Variants in FEZ1 observed in about 807,000 individuals in gnomAD.
The protein encoded by FEZ1 is fasciculation and elongation protein zeta 1, also known as fasciculation and elongation protein zeta-1.
A neutral mutation model predicts 49.3 loss-of-function variants in FEZ1; 20 were observed. The observed-to-expected ratio is 0.41, with a 90% CI of 0.29 to 0.59. FEZ1 has a LOEUF of 0.59. FEZ1 is among the 20% of genes least tolerant of loss of function. The probability of loss-of-function intolerance (pLI) is 0.36; values close to 1 mark genes in which losing one functional copy is unlikely to be tolerated. For missense variants in FEZ1, 413 were observed against 476.0 expected, an observed-to-expected ratio of 0.87 and a Z score of 1.23; for synonymous variants, 170 against 180.9, an observed-to-expected ratio of 0.94 and a Z score of 0.48.
rs202007923 is a variant in FEZ1, at chr11:125,454,138, C to T, written c.1012G>A (p.Asp338Asn). 19 of 1,612,798 alleles carry T rather than the reference C, an allele frequency of 1.2e-5. No homozygotes were observed. The highest frequency in any genetic ancestry group is 1.2e-4 in the Admixed American group (7 of 59,892). Reference protein sequence around the residue: ...IRQTFGSSGTDKQYLNTVIPY... With the variant: ...IRQTFGSSGTNKQYLNTVIPY... ...AGGGAGACTACGCGTACCTGTTTGT[C>T]AGTTCCTGAGGAGCCAAAGGTCTGG... Residue 338 changes from aspartate to asparagine, a missense_variant, in exon 7 of 10, where the codon GAC becomes AAC. Asp to Asn is a conservative substitution (Grantham distance 23, BLOSUM62 1). Coordinates refer to ENST00000278919, the MANE Select transcript of FEZ1 (RefSeq NM_005103.5).
At chr11:125,449,189 C>T (rs1332211512) in intron 8 of FEZ1, among the ~76,000 whole-genome samples, 2 of 151,004 alleles carry the variant, frequency 1.3e-5, no homozygotes, top group African/African-American at 4.9e-5. Flanking sequence ...CTTACAGGCA[C>T]GTGCCACTAT....
intron 3 of FEZ1, among the ~76,000 whole-genome samples, chr11:125,470,983 A>G (rs1422008899): frequency 6.6e-6 from 1 of 152,168 alleles, no homozygotes; most frequent in Non-Finnish European, 1.5e-5. Context: ...TACTGTGACA[A>G]ATGTTTTACA....
chr11:125,494,638 G>C (rs919859887), intron 1 of FEZ1, among the ~76,000 whole-genome samples: 1 of 152,170 alleles, frequency 6.6e-6, no homozygotes, highest in Non-Finnish European at 1.5e-5. Flanking sequence ...CAGGACTATA[G>C]TCTGATTGTC....
chr11:125,489,105 C>A lies in FEZ1; in HGVS notation c.311+362G>T. 1.0e-6 allele frequency: 1 copy of A among 996,202 alleles called. No individual in the cohort carries two copies. The highest frequency in any genetic ancestry group is 1.2e-6 in the Non-Finnish European group (1 of 837,538). 61.7% of individuals were successfully genotyped at this position (996,202 alleles called of 1,614,324 possible). On this transcript the variant is annotated intron_variant, in intron 2 of 9. Coordinates refer to ENST00000278919, the MANE Select transcript of FEZ1 (RefSeq NM_005103.5). This position sits in a 1 kb window ranked among gnomAD's most constrained non-coding sequence, Gnocchi z 4.2. Reference sequence around the variant, plus strand: ...GCAAATTAGTCCAATAACATAGATTCATCCATCATGGTTAATTAATTTTTT... The same window carrying A: ...GCAAATTAGTCCAATAACATAGATTAATCCATCATGGTTAATTAATTTTTT...
rs1349354389 is a variant in FEZ1, at chr11:125,443,154, G to A, written c.*2941C>T. ...GCCAGACAGACCTCTGACCTACCTA[G>A]GAGGGCTCCCTGCAGACCGTGGCTC... is the stretch of plus-strand genomic sequence containing the variant. On this transcript the variant is annotated 3_prime_UTR_variant, in exon 10 of 10. Transcript: ENST00000278919. Among the ~76,000 whole-genome samples, 2 of 152,108 alleles carry A rather than the reference G, an allele frequency of 1.3e-5. No homozygotes were observed. Among genetic ancestry groups the A allele is most frequent in the African/African-American group, 4.8e-5 (2 of 41,410 alleles).
intron 2 of FEZ1, among the ~76,000 whole-genome samples, chr11:125,484,708 G>T (rs1957312054): frequency 6.6e-6 from 1 of 152,014 alleles, no homozygotes. Flanking sequence ...AAAGAAACTG[G>T]CTCTGCGTGA....
rs370851422 is a variant in FEZ1, at chr11:125,473,312, A to G, written c.411+8222T>C. Among the ~76,000 whole-genome samples, 72 of 152,356 alleles carry G rather than the reference A, an allele frequency of 4.7e-4. No individual in the cohort carries two copies. In the South Asian group the frequency reaches 7.2e-3, roughly 15 times the overall value. On this transcript the variant is annotated intron_variant, in intron 3 of 9. Coordinates refer to ENST00000278919, the MANE Select transcript of FEZ1 (RefSeq NM_005103.5). ...TAATGGGGAAGGAATAAGATTTTCA[A>G]TGAATGGTACTGGAATAATTGAATA...
At chr11:125,493,450 G>T (rs1323738868) in intron 1 of FEZ1, among the ~76,000 whole-genome samples, 2 of 52,382 alleles carry the variant, frequency 3.8e-5, no homozygotes, top group African/African-American at 1.5e-4. Context: ...AGGAAAGAAG[G>T]AAAGAAGGAA....
chr11:125,457,393 G>C (rs1270303062), intron 5 of FEZ1, among the ~76,000 whole-genome samples: 1 of 68,362 alleles, frequency 1.5e-5, no homozygotes, highest in African/African-American at 6.3e-5. Flanking sequence ...TGGTGAAACT[G>C]TTTCTACTTT....
Position 125,448,990 on chromosome 11 carries a change from C to G in FEZ1, c.1097-423G>C, listed in dbSNP as rs562116898. On this transcript the variant is annotated intron_variant, in intron 8 of 9. Coordinates refer to ENST00000278919, the MANE Select transcript of FEZ1 (RefSeq NM_005103.5). ...CTGCACATGGTGATAGACGAGAACACAGCAAGAGCCACAGTGTTTGTCTCT... is the reference window on the plus strand; with the variant it reads ...CTGCACATGGTGATAGACGAGAACAGAGCAAGAGCCACAGTGTTTGTCTCT... 3.3e-4 allele frequency among the ~76,000 whole-genome samples: 50 copies of G among 152,208 alleles called. No homozygotes were observed. The South Asian group carries it at 9.6e-3, about 29-fold the overall frequency.
At chr11:125,488,010 G>A (rs1475747521) in intron 2 of FEZ1, among the ~76,000 whole-genome samples, 1 of 152,168 alleles carries the variant, frequency 6.6e-6, no homozygotes, top group Non-Finnish European at 1.5e-5. Flanking sequence ...CAAAAGCACA[G>A]GTGCTTCAGA....
At chr11:125,482,991 A>C (rs1244249173) in intron 2 of FEZ1, among the ~76,000 whole-genome samples, 3 of 149,844 alleles carry the variant, frequency 2.0e-5, no homozygotes, top group Non-Finnish European at 3.0e-5. Flanking sequence ...AAAAAAAAAA[A>C]AAAAAAAAAA....
At chr11:125,472,096 T>C (rs2135764616) in intron 3 of FEZ1, among the ~76,000 whole-genome samples, 1 of 152,220 alleles carries the variant, frequency 6.6e-6, no homozygotes, top group South Asian at 2.1e-4. Flanking sequence ...TCAAAATATG[T>C]AGAATTCAGC....
rs1366565679 is a variant in FEZ1 at position 125,454,172 on chromosome 11, A to G, written c.978T>C (p.Ser326=). ...AGGAGCCAAAGGTCTGGCGGATGCC[A>G]CTCTGCAGAATGTTGGAGATGCCTT... is the stretch of plus-strand genomic sequence containing the variant. ...SMEGISNILQ[S]GIRQTFGSSG... Residue 326 remains serine, a synonymous_variant, in exon 7 of 10, where the codon AGT becomes AGC. Coordinates refer to ENST00000278919, the MANE Select transcript of FEZ1 (RefSeq NM_005103.5). The G allele has an allele frequency of 1.9e-6, 3 of 1,613,430 alleles. No individual in the cohort carries two copies. Among genetic ancestry groups the G allele is most frequent in the South Asian group, 2.2e-5 (2 of 90,938 alleles).
chr11:125,471,559 C>T lies in FEZ1; in HGVS notation c.412-7989G>A, dbSNP rs188437962. On this transcript the variant is annotated intron_variant, in intron 3 of 9. Transcript: ENST00000278919. ...GCATTACAGAGAAAGAATGACATTTCATAATGATAAAAGGGTCAACTCATC... is the reference window on the plus strand; with the variant it reads ...GCATTACAGAGAAAGAATGACATTTTATAATGATAAAAGGGTCAACTCATC... Among the ~76,000 whole-genome samples, 172 of 152,038 alleles carry T rather than the reference C, an allele frequency of 1.1e-3. 5 individuals are homozygous for T. Among genetic ancestry groups the T allele is most frequent in the Admixed American group, 0.011 (170 of 15,260 alleles).
rs772273844 is a variant in FEZ1, at chr11:125,455,896, T to G, written c.878A>C (p.Lys293Thr). The G allele has an allele frequency of 6.8e-6, 11 of 1,613,712 alleles. No individual in the cohort carries two copies. The highest frequency in any genetic ancestry group is 9.3e-6 in the Non-Finnish European group (11 of 1,179,934). ...EQRELMKKRR[K>T]EKGLSLQSSR... ...GCTCTGCAGGCTCAGCCCTTTCTCT[T>G]TCCGCCTCTTTTTCATCAGTTCTCG... The change falls in exon 6 of 10, where the codon AAA (lysine) becomes ACA (threonine). Residue 293 changes from lysine to threonine, a missense_variant. Physicochemically the swap from Lys to Thr is moderately conservative, Grantham distance 78. Coordinates refer to ENST00000278919, the MANE Select transcript of FEZ1 (RefSeq NM_005103.5).
At chr11:125,449,104 G>A (rs1253909336) in intron 8 of FEZ1, among the ~76,000 whole-genome samples, 10 of 151,912 alleles carry the variant, frequency 6.6e-5, no homozygotes, top group Admixed American at 5.2e-4. Flanking sequence ...GCAGTGGCGT[G>A]TTCTCAGCTC....
chr11:125,467,786 G>A (rs1238399714), intron 3 of FEZ1, among the ~76,000 whole-genome samples: 1 of 152,176 alleles, frequency 6.6e-6, no homozygotes, highest in Non-Finnish European at 1.5e-5. Flanking sequence ...GCTGTAGTGA[G>A]CCATGACTGT....
intron 9 of FEZ1, 26 bp from the exon 10 acceptor site, chr11:125,446,137 A>C (rs771192076): frequency 1.2e-6 from 2 of 1,613,620 alleles, no homozygotes; most frequent in South Asian, 2.2e-5. Flanking sequence ...AGGAGGGGAG[A>C]GCGGTCAGAA....
Sources: gnomAD v4.1 joint callset for allele counts (sites outside exome capture counted in the v4.1 genomes callset) on GRCh38, gnomAD v4.1.1 for gene constraint, Gnocchi (gnomAD v3.1) non-coding constraint, MANE v1.5 for transcripts, NCBI Gene and HGNC (gene_info 2026-07-23, HGNC 2026-07-21) for gene names.